Variants in CADM2 observed in about 807,000 individuals in gnomAD.
CADM2 encodes cell adhesion molecule 2.
A neutral mutation model predicts 49.8 loss-of-function variants in CADM2; 12 were observed. The ratio of observed to expected loss-of-function variants is 0.24; its 90% CI spans 0.15 to 0.39. The LOEUF (loss-of-function observed/expected upper bound fraction) is 0.39, where lower values mean the gene tolerates loss of function less well. Ranked by LOEUF, CADM2 falls within the 10% of genes least tolerant of loss-of-function variation. The pLI is 1.00. For synonymous variants in CADM2, 214 were observed against 175.4 expected (o/e 1.22, Z -1.74); for missense variants, 378 against 492.3 (o/e 0.77, Z 2.20).
At chr3:85,677,662 A>C (rs2065922960) in intron 1 of CADM2, among the ~76,000 whole-genome samples, 1 of 152,220 alleles carries the variant, frequency 6.6e-6, no homozygotes, top group South Asian at 2.1e-4. Flanking sequence ...ATAGTTAAAT[A>C]ATGAGGGACA....
At chr3:85,631,729 A>T (rs550544532) in intron 1 of CADM2, among the ~76,000 whole-genome samples, 60 of 152,228 alleles carry the variant, frequency 3.9e-4, no homozygotes, top group African/African-American at 1.3e-3. Flanking sequence ...AGTGTATTTT[A>T]AAAAATTTAA....
At chr3:85,931,934 T>C (rs1720653847) in intron 6 of CADM2, among the ~76,000 whole-genome samples, 1 of 151,472 alleles carries the variant, frequency 6.6e-6, no homozygotes, top group East Asian at 1.9e-4. Context: ...TATTAAATGG[T>C]TTAATAATTT....
intron 2 of CADM2, among the ~76,000 whole-genome samples, chr3:85,730,656 C>A (rs2067893083): frequency 6.6e-6 from 1 of 151,912 alleles, no homozygotes; most frequent in Admixed American, 6.6e-5. Context: ...TTAAAGTAGT[C>A]TTAAAATTTC....
rs190626558 is a variant in CADM2 at position 85,386,045 on chromosome 3, G to A, written c.62-340477G>A. Among the ~76,000 whole-genome samples, 288 of 152,144 alleles carry A rather than the reference G, an allele frequency of 1.9e-3. 1 individual carries two copies. Among genetic ancestry groups the A allele is most frequent in the African/African-American group, 5.2e-3 (214 of 41,530 alleles). ...CATATGAACAATCATGCAGAACAAA[G>A]TGAGAAGCTATGTTTGAAGGAATCT... On this transcript the variant is annotated intron_variant, in intron 1 of 9. Coordinates refer to ENST00000383699, the MANE Select transcript of CADM2 (RefSeq NM_001167675.2).
intron 1 of CADM2, among the ~76,000 whole-genome samples, chr3:85,230,424 CATT>C (rs2107810992): frequency 6.6e-6 from 1 of 152,264 alleles, no homozygotes; most frequent in African/African-American, 2.4e-5. Flanking sequence ...AACTTTATCT[CATT>C]GTTCCATTAT....
chr3:85,796,620 C>T (rs141942601), intron 2 of CADM2, among the ~76,000 whole-genome samples: 1,595 of 152,240 alleles, frequency 0.01, 29 homozygotes, highest in African/African-American at 0.034. Flanking sequence ...AAGGTGATCA[C>T]GAACCTCTAT....
intron 1 of CADM2, among the ~76,000 whole-genome samples, chr3:85,530,322 G>GTTTTT (rs57504567): frequency 0.045 from 1,395 of 31,200 alleles, 260 homozygotes; most frequent in African/African-American, 0.08. Context: ...TCTTTTCTCC[G>GTTTTT]TTTTTTTTTT....
chr3:85,964,048 T>G (rs185083330), intron 8 of CADM2, among the ~76,000 whole-genome samples: 1 of 151,836 alleles, frequency 6.6e-6, no homozygotes, highest in Non-Finnish European at 1.5e-5. Context: ...TTTTTTCCCC[T>G]TTGCACGCTG....
At chr3:85,004,406 G>T (rs1042429266) in intron 1 of CADM2, among the ~76,000 whole-genome samples, 3 of 152,046 alleles carry the variant, frequency 2.0e-5, no homozygotes, top group Non-Finnish European at 4.4e-5. Context: ...GCACTTAGAA[G>T]ATGTAAATGC....
At chr3:85,704,281 A>T (rs1383096537) in intron 1 of CADM2, among the ~76,000 whole-genome samples, 4 of 152,254 alleles carry the variant, frequency 2.6e-5, no homozygotes, top group African/African-American at 9.6e-5. Flanking sequence ...AAGGAAACAG[A>T]TAATTTCTAT....
chr3:85,192,082 TTATAA>T (rs928626013), intron 1 of CADM2, among the ~76,000 whole-genome samples: 1 of 148,516 alleles, frequency 6.7e-6, no homozygotes, highest in Non-Finnish European at 1.5e-5. Flanking sequence ...TATTGACAAC[TTATAA>T]TAAATCATTC....
At chr3:85,333,452 T>C (rs2044991522) in intron 1 of CADM2, among the ~76,000 whole-genome samples, 1 of 151,766 alleles carries the variant, frequency 6.6e-6, no homozygotes, top group Admixed American at 6.6e-5. Context: ...AACTTTTTAG[T>C]GATAAAATTC....
intron 1 of CADM2, among the ~76,000 whole-genome samples, chr3:85,172,753 G>T (rs1319669572): frequency 6.6e-6 from 1 of 151,236 alleles, no homozygotes; most frequent in Non-Finnish European, 1.5e-5. Context: ...GGAAGATGCT[G>T]TAAGGCTGTT....
chr3:85,470,702 C>T (rs2038729716), intron 1 of CADM2, among the ~76,000 whole-genome samples: 1 of 152,068 alleles, frequency 6.6e-6, no homozygotes. Flanking sequence ...GAATGTGTTG[C>T]TGGATTTTAC....
At chr3:85,894,542 A>G (rs554296278) in intron 5 of CADM2, among the ~76,000 whole-genome samples, 145 of 152,314 alleles carry the variant, frequency 9.5e-4, no homozygotes, top group African/African-American at 3.4e-3. Flanking sequence ...GACTGCAAAA[A>G]TGTGCATAAG....
At chr3:85,148,936 C>T (rs1371617930) in intron 1 of CADM2, among the ~76,000 whole-genome samples, 3 of 152,018 alleles carry the variant, frequency 2.0e-5, no homozygotes, top group Non-Finnish European at 4.4e-5. Flanking sequence ...AGAAGAAAGT[C>T]TGCATGTAAG....
In CADM2 at chr3:85,464,724, A is replaced by G. The variant is rs530549929; in HGVS notation, c.62-261798A>G. ...TTAAAGCTCTGTAGTTAAAGGAAAT[A>G]TGCAATATATTCAGTGTTTTCGTGT... On this transcript the variant is annotated intron_variant, in intron 1 of 9. Transcript: ENST00000383699. Among the ~76,000 whole-genome samples the G allele has an allele frequency of 2.0e-5, 3 of 152,356 alleles. No individual in the cohort carries two copies. The South Asian group carries it at 6.2e-4, about 32-fold the overall frequency.
intron 1 of CADM2, among the ~76,000 whole-genome samples, chr3:85,092,139 C>A (rs1575844627): frequency 6.6e-6 from 1 of 152,096 alleles, no homozygotes; most frequent in East Asian, 1.9e-4. Context: ...ATAATAAAAA[C>A]AATGCGCCCT....
intron 3 of CADM2, among the ~76,000 whole-genome samples, chr3:85,842,148 G>A (rs1200837567): frequency 6.6e-6 from 1 of 152,032 alleles, no homozygotes; most frequent in African/African-American, 2.4e-5. Flanking sequence ...CTCGTGATTA[G>A]TTTCTTTGTG....
Sources: allele counts gnomAD v4.1 joint callset (sites outside exome capture counted in the v4.1 genomes callset), GRCh38; gene constraint gnomAD v4.1.1; transcripts MANE v1.5; gene names NCBI Gene and HGNC (gene_info 2026-07-23, HGNC 2026-07-21).